The following DCLK1 variants were observed in gnomAD, a reference collection of about 807,000 sequenced individuals.
The protein encoded by DCLK1 is serine/threonine-protein kinase DCLK1.
DCLK1 carries 16 observed loss-of-function variants against 86.2 expected under a neutral mutation model. The ratio of observed to expected loss-of-function variants is 0.19; its 90% CI spans 0.13 to 0.28. DCLK1 has a LOEUF of 0.28. Ranked by LOEUF, DCLK1 falls within the 10% of genes least tolerant of loss-of-function variation. The pLI, the probability that DCLK1 is intolerant of heterozygous loss-of-function variation, is 1.00. For synonymous variants in DCLK1, 369 were observed against 370.5 expected, an observed-to-expected ratio of 1.00 and a Z score of 0.05; for missense variants, 590 against 940.2, an observed-to-expected ratio of 0.63 and a Z score of 4.87.
intron 3 of DCLK1, among the ~76,000 whole-genome samples, chr13:35,976,767 C>A (rs991025344): frequency 6.6e-6 from 1 of 151,850 alleles, no homozygotes; most frequent in Non-Finnish European, 1.5e-5. Context: ...ATCTCTTGAC[C>A]TCGTGATCCG....
At chr13:35,964,931 C>A (rs1196611418) in intron 3 of DCLK1, among the ~76,000 whole-genome samples, 3 of 152,098 alleles carry the variant, frequency 2.0e-5, no homozygotes, top group Admixed American at 2.0e-4. Context: ...TTTCCAGATA[C>A]AAAGACAGAG....
chr13:35,832,796 T>A (rs918550706), intron 8 of DCLK1, among the ~76,000 whole-genome samples: 2 of 152,094 alleles, frequency 1.3e-5, no homozygotes, highest in African/African-American at 4.8e-5. Context: ...CCAAGTGGAA[T>A]TTGATTTTGA....
intron 3 of DCLK1, among the ~76,000 whole-genome samples, chr13:35,965,139 T>C (rs756063211): frequency 2.0e-5 from 3 of 152,212 alleles, no homozygotes; most frequent in Non-Finnish European, 2.9e-5. Flanking sequence ...ACTCCTTCTC[T>C]ACCTAACAGT....
chr13:35,967,733 G>T (rs988568167), intron 3 of DCLK1, among the ~76,000 whole-genome samples: 2 of 151,848 alleles, frequency 1.3e-5, no homozygotes, highest in Non-Finnish European at 2.9e-5. Context: ...AGAGACCTTT[G>T]TTCACATGTT....
intron 3 of DCLK1, among the ~76,000 whole-genome samples, chr13:36,037,414 A>T (rs1882542295): frequency 6.6e-6 from 1 of 152,142 alleles, no homozygotes; most frequent in Non-Finnish European, 1.5e-5. Flanking sequence ...TAGCATAAAG[A>T]AAAGATATAT....
Position 35,828,017 on chromosome 13 carries a change from A to C in DCLK1, c.1287+233T>G, listed in dbSNP as rs1255662716. 2.0e-5 allele frequency among the ~76,000 whole-genome samples: 3 copies of C among 152,216 alleles called. No individual in the cohort carries two copies. The East Asian group carries it at 5.8e-4, about 29-fold the overall frequency. ...ATGGGATGAAACTTAGATCACATTA[A>C]GAAGGGAAGAGAGTAAGCAAACAAA... On this transcript the variant is annotated intron_variant, in intron 9 of 16. Coordinates refer to ENST00000360631, the MANE Select transcript of DCLK1 (RefSeq NM_001330071.2).
intron 3 of DCLK1, among the ~76,000 whole-genome samples, chr13:36,028,661 C>T (rs1163548397): frequency 6.6e-6 from 1 of 152,162 alleles, no homozygotes; most frequent in Non-Finnish European, 1.5e-5. Context: ...GGGCTGCATT[C>T]CCAGTCACAG....
intron 5 of DCLK1, 88 bp downstream of exon 5, chr13:35,871,133 TAAA>T (rs1230417302): frequency 1.8e-6 from 2 of 1,083,216 alleles, no homozygotes; most frequent in Non-Finnish European, 2.7e-6. Flanking sequence ...TACACTCGCT[TAAA>T]AACCTCACAC....
Position 36,008,139 on chromosome 13 carries a change from ATT to A in DCLK1, c.724-60684_724-60683del, listed in dbSNP as rs777909367. On this transcript the variant is annotated intron_variant, in intron 3 of 16. Transcript: ENST00000360631. ...TTTTAACACTGAACTTCTCTCTAAA[ATT>A]TTTTTTTTTTTTTTTTTGGTCTCTA... 2.3e-4 allele frequency among the ~76,000 whole-genome samples: 24 copies of A among 102,162 alleles called. 1 individual carries two copies. Among genetic ancestry groups the A allele is most frequent in the African/African-American group, 3.8e-4 (10 of 26,158 alleles). 67.0% of individuals were successfully genotyped at this position (102,162 alleles called of 152,430 possible).
chr13:36,062,373 C>T (rs1056755116), intron 3 of DCLK1, among the ~76,000 whole-genome samples: 1 of 152,108 alleles, frequency 6.6e-6, no homozygotes, highest in African/African-American at 2.4e-5. Flanking sequence ...CAGGGACTTA[C>T]TGTCTTGGTT....
At chr13:35,856,474 C>T (rs534053871) in intron 5 of DCLK1, among the ~76,000 whole-genome samples, 9 of 152,198 alleles carry the variant, frequency 5.9e-5, no homozygotes, top group African/African-American at 1.7e-4. Flanking sequence ...TTATGTCATA[C>T]GTAAAGGCTA....
intron 4 of DCLK1, among the ~76,000 whole-genome samples, chr13:35,878,950 T>C (rs1472105054): frequency 6.6e-6 from 1 of 152,108 alleles, no homozygotes; most frequent in African/African-American, 2.4e-5. Flanking sequence ...CATGCCCAGC[T>C]GATTTTTGTA....
At chr13:35,866,480 TCTCA>T (rs71667236) in intron 5 of DCLK1, among the ~76,000 whole-genome samples, 37,355 of 148,070 alleles carry the variant, frequency 0.25, 4,763 homozygotes, top group Admixed American at 0.34. Context: ...TGAGACAGGG[TCTCA>T]CTCAGTCATC....
chr13:35,789,979 T>G (rs1334525205), intron 16 of DCLK1, among the ~76,000 whole-genome samples: 1 of 152,110 alleles, frequency 6.6e-6, no homozygotes, highest in African/African-American at 2.4e-5. Context: ...TTCTAAGGAA[T>G]GCAATGCCTT....
rs74733499 is a variant in DCLK1, at chr13:35,863,653, C to T, written c.940+7571G>A. On this transcript the variant is annotated intron_variant, in intron 5 of 16. Transcript: ENST00000360631. The stretch of plus-strand genomic sequence containing the variant: ...TTTGTTCTCAACAATTTCCTTGGAG[C>T]TCCAAAGCAAAAAAGATTCTCCATA... Among the ~76,000 whole-genome samples, 330 of 152,156 alleles carry T rather than the reference C, an allele frequency of 2.2e-3. 1 individual carries two copies. The highest frequency in any genetic ancestry group is 7.4e-3 in the African/African-American group (308 of 41,520).
chr13:35,814,522 C>G (rs1316578602), intron 11 of DCLK1, among the ~76,000 whole-genome samples: 2 of 152,176 alleles, frequency 1.3e-5, no homozygotes, highest in African/African-American at 2.4e-5. Context: ...CTTGGACAGG[C>G]TGGTCCAGCT....
chr13:35,870,742 A>G (rs1254522517), intron 5 of DCLK1, among the ~76,000 whole-genome samples: 1 of 152,212 alleles, frequency 6.6e-6, no homozygotes, highest in African/African-American at 2.4e-5. Context: ...AGACAGGCTC[A>G]GGCCAAGGTC....
At chr13:35,798,088 C>T (rs1019602142) in intron 15 of DCLK1, among the ~76,000 whole-genome samples, 3 of 152,192 alleles carry the variant, frequency 2.0e-5, no homozygotes, top group Non-Finnish European at 4.4e-5. Flanking sequence ...TTCCCATCCA[C>T]CACTTGGCAG....
chr13:36,060,431 T>A (rs188773942), intron 3 of DCLK1, among the ~76,000 whole-genome samples: 1 of 152,300 alleles, frequency 6.6e-6, no homozygotes, highest in African/African-American at 2.4e-5. Context: ...AGCCTCATGA[T>A]CAGAACGATT....
Sources: allele counts gnomAD v4.1 joint callset (sites outside exome capture counted in the v4.1 genomes callset), GRCh38; gene constraint gnomAD v4.1.1; transcripts MANE v1.5; gene names NCBI Gene and HGNC (gene_info 2026-07-23, HGNC 2026-07-21).